Variants in TENM4 observed in about 807,000 individuals in gnomAD.
TENM4 encodes the protein teneurin transmembrane protein 4, also known as teneurin-4.
Under a neutral mutation model 243.3 loss-of-function variants are expected in TENM4, and 82 were observed. The ratio of observed to expected loss-of-function variants is 0.34; its 90% CI spans 0.28 to 0.40. TENM4 has a LOEUF of 0.40. Ranked by LOEUF, TENM4 falls within the 10% of genes least tolerant of loss-of-function variation. TENM4 has a pLI of 1.00. For synonymous variants in TENM4, 1,412 were observed against 1,456.3 expected (o/e 0.97, Z 0.69); for missense variants, 3,138 against 3,673.3 (o/e 0.85, Z 3.77).
intron 3 of TENM4, among the ~76,000 whole-genome samples, chr11:79,201,659 G>A (rs1863740395): frequency 6.6e-6 from 1 of 151,966 alleles, no homozygotes; most frequent in African/African-American, 2.4e-5. Context: ...GAATGGGGAA[G>A]AAGATAAATG....
chr11:78,703,571 G>A (rs374871246), intron 27 of TENM4, among the ~76,000 whole-genome samples: 20 of 152,126 alleles, frequency 1.3e-4, no homozygotes, highest in African/African-American at 4.3e-4. Flanking sequence ...ATGGTCTGAG[G>A]GGAGGAGTGT....
intron 2 of TENM4, among the ~76,000 whole-genome samples, chr11:79,240,783 C>T (rs932177485): frequency 1.3e-5 from 2 of 152,182 alleles, no homozygotes; most frequent in Admixed American, 1.3e-4. Context: ...TCTCAACGGG[C>T]CCTTTGCATA....
rs1209093564 is a variant in TENM4 at position 78,901,463 on chromosome 11, GACC to G, written c.749+1802_749+1804del. ...CAGAAAGACAGGAGACGTGAGCTGG[GACC>G]ACCTTTACAACTCACACTAACCATT... On this transcript the variant is annotated intron_variant, in intron 7 of 33. Coordinates refer to ENST00000278550, the MANE Select transcript of TENM4 (RefSeq NM_001098816.3). Among the ~76,000 whole-genome samples the G allele has an allele frequency of 2.6e-5, 4 of 152,102 alleles. No individual in the cohort carries two copies. In the East Asian group the frequency reaches 5.8e-4, roughly 22 times the overall value.
chr11:78,889,454 C>A (rs1046267996), intron 9 of TENM4, among the ~76,000 whole-genome samples: 1 of 152,218 alleles, frequency 6.6e-6, no homozygotes, highest in Admixed American at 6.5e-5. Flanking sequence ...TGACTCAATC[C>A]ATGACACTTA....
chr11:79,097,968 A>G (rs1861125204), intron 4 of TENM4: 2 of 152,216 alleles, frequency 1.3e-5, no homozygotes, highest in Non-Finnish European at 2.9e-5. Context: ...ACTTAGTAAA[A>G]CAAAAAACGA....
At chr11:78,813,822 C>T (rs1323567848) in intron 13 of TENM4, among the ~76,000 whole-genome samples, 1 of 152,198 alleles carries the variant, frequency 6.6e-6, no homozygotes, top group African/African-American at 2.4e-5. Flanking sequence ...TCAGTCCCTC[C>T]CCTTGGGGTC....
chr11:78,665,247 C>G (rs1470366283), intron 32 of TENM4, among the ~76,000 whole-genome samples: 1 of 141,382 alleles, frequency 7.1e-6, no homozygotes, highest in Non-Finnish European at 1.6e-5. Context: ...TTCTCTCTTT[C>G]TTTTCTTTTT....
chr11:78,891,440 A>C, intron 7 of TENM4, 104 bp from the exon 8 acceptor site: 1 of 1,028,170 alleles, frequency 9.7e-7, no homozygotes, highest in Non-Finnish European at 1.5e-6. Flanking sequence ...TGTGTGCGTA[A>C]GACCAGCGGG....
intron 6 of TENM4, among the ~76,000 whole-genome samples, chr11:78,990,533 T>C (rs1239112913): frequency 1.3e-5 from 2 of 152,206 alleles, no homozygotes; most frequent in African/African-American, 2.4e-5. Flanking sequence ...GATCTAAATA[T>C]ACTGCGAGGG....
intron 16 of TENM4, among the ~76,000 whole-genome samples, chr11:78,783,325 A>G (rs922529130): frequency 3.3e-5 from 5 of 152,240 alleles, no homozygotes; most frequent in African/African-American, 1.2e-4. Flanking sequence ...ATCCAAATCA[A>G]TCCATCTTAG....
intron 4 of TENM4, among the ~76,000 whole-genome samples, chr11:79,083,282 C>G (rs1368286167): frequency 6.6e-6 from 1 of 152,208 alleles, no homozygotes; most frequent in Non-Finnish European, 1.5e-5. Flanking sequence ...CCTTCGGCCT[C>G]CGTGCATTCT....
At chr11:78,896,248 C>A (rs1297710300) in intron 7 of TENM4, among the ~76,000 whole-genome samples, 2 of 152,114 alleles carry the variant, frequency 1.3e-5, no homozygotes, top group Non-Finnish European at 2.9e-5. Context: ...GCAGGACAGG[C>A]AGGGATCACA....
intron 6 of TENM4, among the ~76,000 whole-genome samples, chr11:79,022,536 A>G (rs1858959517): frequency 6.6e-6 from 1 of 152,198 alleles, no homozygotes; most frequent in South Asian, 2.1e-4. Flanking sequence ...GGCCCTGGAA[A>G]CCTTTCAGTG....
rs181095463 is a variant in TENM4 at position 79,153,868 on chromosome 11, G to A, written c.-162-5062C>T. ...GACTTAGACCCTCATCCTCTCACTC[G>A]TTCAATTCTTAGTGATCTTAGGTAA... is the stretch of plus-strand genomic sequence containing the variant. On this transcript the variant is annotated intron_variant, in intron 3 of 33. Transcript: ENST00000278550. Among the ~76,000 whole-genome samples the A allele has an allele frequency of 2.9e-3, 448 of 152,080 alleles. 14 individuals carry two copies. Among genetic ancestry groups the A allele is most frequent in the Admixed American group, 0.023 (344 of 15,252 alleles).
intron 6 of TENM4, among the ~76,000 whole-genome samples, chr11:78,928,655 A>G (rs1241125406): frequency 6.6e-6 from 1 of 152,214 alleles, no homozygotes; most frequent in African/African-American, 2.4e-5. Context: ...ATATTATATC[A>G]CTTTCAAAAT....
At chr11:79,048,263 C>CA (rs1419059331) in intron 6 of TENM4, among the ~76,000 whole-genome samples, 1 of 152,124 alleles carries the variant, frequency 6.6e-6, no homozygotes, top group Non-Finnish European at 1.5e-5. Flanking sequence ...TGAACTCAGA[C>CA]AAAAAACACA....
chr11:78,659,278 C>T (rs1857975067), intron 33 of TENM4, among the ~76,000 whole-genome samples: 1 of 152,224 alleles, frequency 6.6e-6, no homozygotes, highest in Admixed American at 6.5e-5. Flanking sequence ...GTGATCTTCA[C>T]AATCACCTTA....
chr11:79,286,631 G>C (rs1305465768), intron 2 of TENM4, among the ~76,000 whole-genome samples: 1 of 151,898 alleles, frequency 6.6e-6, no homozygotes, highest in Non-Finnish European at 1.5e-5. Flanking sequence ...ATCGTGCCAC[G>C]GCACTCCAGC....
rs1857838565 is a variant in TENM4, at chr11:78,654,331, A to C, written c.*3727T>G. On this transcript the variant is annotated 3_prime_UTR_variant, in exon 34 of 34. Transcript: ENST00000278550. Reference sequence around the variant, plus strand: ...ATTCCTCCTGGGCAGAAAGCTCAGCATCACCGCCCTCACCACATGGCCACC... The same window carrying C: ...ATTCCTCCTGGGCAGAAAGCTCAGCCTCACCGCCCTCACCACATGGCCACC... 3 of 152,344 alleles carry C rather than the reference A, an allele frequency of 2.0e-5. No individual in the cohort carries two copies. Among genetic ancestry groups the C allele is most frequent in the Middle Eastern group, 6.8e-3 (2 of 294 alleles). 9.4% of individuals were successfully genotyped at this position (152,344 alleles called of 1,614,324 possible).
Sources: allele counts gnomAD v4.1 joint callset (sites outside exome capture counted in the v4.1 genomes callset), GRCh38; gene constraint gnomAD v4.1.1; transcripts MANE v1.5; gene names NCBI Gene and HGNC (gene_info 2026-07-23, HGNC 2026-07-21).